CYP24A1: variants seen among roughly 807,000 people sequenced by gnomAD.
The protein encoded by CYP24A1 is 1,25-dihydroxyvitamin D(3) 24-hydroxylase, mitochondrial.
A neutral mutation model predicts 62.4 loss-of-function variants in CYP24A1; 68 were observed. That is an observed-to-expected ratio of 1.09 (90% CI 0.90 to 1.33). The LOEUF is 1.33. CYP24A1 is among the 40% of genes most tolerant of loss of function. The pLI is 0.00. For synonymous variants in CYP24A1, 267 were observed against 253.0 expected (o/e 1.06, Z -0.52); for missense variants, 787 against 653.0 (o/e 1.21, Z -2.24).
chr20:54,146,359 A>T, the CYP24A1 span, among the ~76,000 whole-genome samples: 10 of 152,154 alleles, frequency 6.6e-5, no homozygotes, highest in African/African-American at 2.2e-4. Flanking sequence ...TCAACTTCAG[A>T]ATGTTTCTTG....
rs963093306 is a variant in CYP24A1 at position 54,172,889 on chromosome 20, G to C, written c.449+20C>G. 6.2e-7 allele frequency: 1 copy of C among 1,613,330 alleles called. No homozygotes were observed. The highest frequency in any genetic ancestry group is 8.5e-7 in the Non-Finnish European group (1 of 1,180,036). ...TCATCAGGTCTGGCCGCATGCCCAG[G>C]TCCCTCGGATTGGACTCACAGGATC... On this transcript the variant is annotated intron_variant, in intron 2 of 11. Coordinates refer to ENST00000216862, the MANE Select transcript of CYP24A1 (RefSeq NM_000782.5).
chr20:54,173,223 G>T lies in CYP24A1; in HGVS notation c.258+99C>A. ...ACCCTCCCTGCCCAGACGCCGAAGC[G>T]CACCATGCGCCCGAGGCGCGCATGT... On this transcript the variant is annotated intron_variant, in intron 1 of 11. Transcript: ENST00000216862. The surrounding 1 kb of genome is among the most constrained non-coding windows in gnomAD (Gnocchi z 7.2). The T allele has an allele frequency of 2.7e-6, 4 of 1,507,540 alleles. No individual in the cohort carries two copies. Among genetic ancestry groups the T allele is most frequent in the South Asian group, 1.1e-5 (1 of 87,614 alleles). 93.4% of individuals were successfully genotyped at this position (1,507,540 alleles called of 1,614,324 possible). A position where few individuals can be genotyped will look rare whatever the true frequency, so the allele number is the denominator to read the frequency against.
At chr20:54,153,355 T>G (rs2092615928), downstream of CYP24A1, 2 of 152,254 alleles carry the variant, frequency 1.3e-5, no homozygotes, top group South Asian at 4.1e-4. Context: ...ATAGGGCTTG[T>G]AGGCCATATG....
At chr20:54,164,828 T>TAAAAAAAAAAAAAA (rs772562011) in intron 5 of CYP24A1, among the ~76,000 whole-genome samples, 1 of 122,850 alleles carries the variant, frequency 8.1e-6, no homozygotes, top group African/African-American at 3.0e-5. Flanking sequence ...GACCTAATTG[T>TAAAAAAAAAAAAAA]AAAAAAAAAA....
intron 9 of CYP24A1, 79 bp downstream of exon 9, chr20:54,158,007 T>G: frequency 6.3e-7 from 1 of 1,591,876 alleles, no homozygotes; most frequent in Non-Finnish European, 8.5e-7. Flanking sequence ...CAGTACAAAG[T>G]CTAGGGAGAT....
At chr20:54,168,740 C>CTCCT (rs1312836024) in intron 4 of CYP24A1, among the ~76,000 whole-genome samples, 1 of 133,886 alleles carries the variant, frequency 7.5e-6, no homozygotes, top group Non-Finnish European at 1.6e-5. Flanking sequence ...TTTTCCTTCC[C>CTCCT]TCCTTCCTTC....
chr20:54,169,405 GTATGACTCATTAACAATCCA>G (rs1450301259), intron 4 of CYP24A1, among the ~76,000 whole-genome samples, 167 bp downstream of exon 4: 20 of 152,306 alleles, frequency 1.3e-4, no homozygotes, highest in African/African-American at 1.4e-4. Context: ...AATGTTTGTT[GTATGACTCATTAACAATCCA>G]TAGTTCAAGG....
At chr20:54,162,099 A>G (rs777314560) in intron 7 of CYP24A1, among the ~76,000 whole-genome samples, 2 of 152,042 alleles carry the variant, frequency 1.3e-5, no homozygotes, top group African/African-American at 2.4e-5. Flanking sequence ...TCAGAGACAG[A>G]ATTTTGGTCT....
chr20:54,162,237 T>TG (rs1568968848), intron 7 of CYP24A1, among the ~76,000 whole-genome samples: 2 of 133,574 alleles, frequency 1.5e-5, no homozygotes, highest in African/African-American at 2.6e-5. Context: ...TTTTTTTTTT[T>TG]TTTTTTTTTT....
chr20:54,144,370 CT>C, the CYP24A1 span, among the ~76,000 whole-genome samples: 1 of 151,850 alleles, frequency 6.6e-6, no homozygotes, highest in East Asian at 1.9e-4. Flanking sequence ...CTACCTCAGT[CT>C]CCCTAGTAGT....
Position 54,171,561 on chromosome 20 carries a change from G to A in CYP24A1, c.543+16C>T. ...GTCCCCACGAGCCCCAGGAAAGCTG[G>A]CCCCAGCCTGCAGACCTCATTGATT... On this transcript the variant is annotated intron_variant, in intron 3 of 11. Coordinates refer to ENST00000216862, the MANE Select transcript of CYP24A1 (RefSeq NM_000782.5). 1.2e-6 allele frequency: 2 copies of A among 1,613,780 alleles called. No homozygotes were observed. The highest frequency in any genetic ancestry group is 1.1e-5 in the South Asian group (1 of 91,044).
chr20:54,171,979 T>TG (rs2092695624), intron 2 of CYP24A1: 2 of 446,244 alleles, frequency 4.5e-6, no homozygotes, highest in South Asian at 2.1e-5. Flanking sequence ...CTGGGAGGCC[T>TG]GGGGACAATT....
chr20:54,159,036 A>G lies in CYP24A1; in HGVS notation c.1078T>C (p.Leu360=). The G allele has an allele frequency of 6.2e-7, 1 of 1,614,016 alleles. No homozygotes were observed. The highest frequency in any genetic ancestry group is 1.7e-5 in the Admixed American group (1 of 60,024). ...QKLLKEIQSV[L]PENQVPRAED... ...GCCCGTGGCACCTGATTCTCAGGTAATACACTTTGAATTTCCTTAAGAAGC... is the reference window on the plus strand; with the variant it reads ...GCCCGTGGCACCTGATTCTCAGGTAGTACACTTTGAATTTCCTTAAGAAGC... The change falls in exon 8 of 12, where the codon TTA becomes CTA. Residue 360 remains leucine, a synonymous_variant. Transcript: ENST00000216862.
At chr20:54,169,497 A>G (rs1015973713) in intron 4 of CYP24A1, 95 bp downstream of exon 4, 19 of 1,595,198 alleles carry the variant, frequency 1.2e-5, no homozygotes, top group Admixed American at 1.7e-5. Flanking sequence ...CTAGGCAGCA[A>G]TAATGCCTGT....
chr20:54,152,485 G>A (rs1261106508), downstream of CYP24A1, among the ~76,000 whole-genome samples: 1 of 152,242 alleles, frequency 6.6e-6, no homozygotes, highest in African/African-American at 2.4e-5. Flanking sequence ...CGGTGCTGGG[G>A]ACAGCCCCTG....
intron 11 of CYP24A1, among the ~76,000 whole-genome samples, chr20:54,156,366 T>C (rs1457880271): frequency 6.6e-6 from 1 of 152,164 alleles, no homozygotes; most frequent in Non-Finnish European, 1.5e-5. Flanking sequence ...AAAGAGAGAT[T>C]CAAAGTGTGA....
At chr20:54,163,970 C>G (rs2092661836) in intron 6 of CYP24A1, among the ~76,000 whole-genome samples, 1 of 152,200 alleles carries the variant, frequency 6.6e-6, no homozygotes, top group Admixed American at 6.5e-5. Flanking sequence ...GAGTCTCACT[C>G]TGCCTCCCAA....
Position 54,169,660 on chromosome 20 carries a change from T to C in CYP24A1, c.572A>G (p.Asp191Gly). Residue 191 changes from aspartate (D) to glycine (G), a missense_variant, in exon 4 of 12, where the codon GAT becomes GGT. Asp to Gly is a moderately conservative substitution (Grantham distance 94, BLOSUM62 -1). Coordinates refer to ENST00000216862, the MANE Select transcript of CYP24A1 (RefSeq NM_000782.5). ...GTGGCCTCTTTCATCACAGAGCTCA[T>C]CTATTCTGCCCATAAAATCGGCCAA... ...EVLADFMGRI[D>G]ELCDERGHVE... 1 of 1,614,196 alleles carries C rather than the reference T, an allele frequency of 6.2e-7. No homozygotes were observed. The highest frequency in any genetic ancestry group is 8.5e-7 in the Non-Finnish European group (1 of 1,180,032).
downstream of CYP24A1, chr20:54,153,361 A>G (rs2092615932): frequency 6.6e-6 from 1 of 152,268 alleles, no homozygotes; most frequent in Non-Finnish European, 1.5e-5. Context: ...CTTGTAGGCC[A>G]TATGAGAAAA....
Sources: allele counts gnomAD v4.1 joint callset (sites outside exome capture counted in the v4.1 genomes callset), GRCh38; gene constraint gnomAD v4.1.1; non-coding constraint Gnocchi (gnomAD v3.1); transcripts MANE v1.5; gene names NCBI Gene and HGNC (gene_info 2026-07-23, HGNC 2026-07-21).